EFHC2: variants seen among roughly 807,000 people sequenced by gnomAD.
The protein encoded by EFHC2 is EF-hand domain containing 2.
EFHC2 carries 18 observed loss-of-function variants against 52.7 expected under a neutral mutation model. That is an observed-to-expected ratio of 0.34 (90% CI 0.24 to 0.51). The LOEUF (loss-of-function observed/expected upper bound fraction) is 0.51, where lower values mean the gene tolerates loss of function less well. Ranked by LOEUF, EFHC2 falls within the 20% of genes least tolerant of loss-of-function variation. The pLI, the probability that EFHC2 is intolerant of heterozygous loss-of-function variation, is 0.97. For missense variants in EFHC2, 513 were observed against 562.5 expected (o/e 0.91, Z 0.89); for synonymous variants, 203 against 204.1 (o/e 0.99, Z 0.04).
chrX:44,152,159 G>T (rs1293531151), intron 14 of EFHC2, among the ~76,000 whole-genome samples: 1 of 111,440 alleles, frequency 9.0e-6, no homozygotes, highest in African/African-American at 3.3e-5. Flanking sequence ...AAATTTATTG[G>T]ATATTTACTA....
chrX:44,250,014 C>T (rs182495068), intron 5 of EFHC2, among the ~76,000 whole-genome samples, 180 bp downstream of exon 5: 1 of 112,643 alleles, frequency 8.9e-6, no homozygotes, highest in Non-Finnish European at 1.9e-5. Context: ...TCTAATTGAT[C>T]ATATTCTCTG....
At chrX:44,288,779 A>G (rs1032074822) in intron 2 of EFHC2, among the ~76,000 whole-genome samples, 1 of 111,926 alleles carries the variant, frequency 8.9e-6, no homozygotes, top group Non-Finnish European at 1.9e-5. Flanking sequence ...TTGTTCTCTG[A>G]TGTCTGTTTT....
chrX:44,314,477 A>T (rs977529951), intron 1 of EFHC2, among the ~76,000 whole-genome samples: 1 of 112,205 alleles, frequency 8.9e-6, no homozygotes, highest in Admixed American at 9.4e-5. Flanking sequence ...CCCTGGGCAG[A>T]TAACAGCCCA....
At chrX:44,315,835 A>G (rs2037979624) in intron 1 of EFHC2, among the ~76,000 whole-genome samples, 1 of 111,521 alleles carries the variant, frequency 9.0e-6, no homozygotes, top group Non-Finnish European at 1.9e-5. Flanking sequence ...TGGTAAAAAA[A>G]GAAAGTCAAG....
intron 1 of EFHC2, among the ~76,000 whole-genome samples, chrX:44,320,433 A>G (rs1270070433): frequency 8.9e-6 from 1 of 112,062 alleles, no homozygotes; most frequent in African/African-American, 3.2e-5. Context: ...TAGACTGAAG[A>G]TAATTAGAAG....
At chrX:44,331,077 A>G (rs1003669673) in intron 1 of EFHC2, among the ~76,000 whole-genome samples, 1 of 112,441 alleles carries the variant, frequency 8.9e-6, no homozygotes, top group African/African-American at 3.2e-5. Flanking sequence ...AAAAACCTGT[A>G]CATACATGTT....
chrX:44,196,819 C>G, intron 11 of EFHC2, among the ~76,000 whole-genome samples: 1 of 112,308 alleles, frequency 8.9e-6, no homozygotes, highest in Middle Eastern at 4.6e-3. Context: ...CTAACGCCCC[C>G]AGTAAGCCAT....
In EFHC2 at chrX:44,232,592, G is replaced by C. The variant is rs749348063; in HGVS notation, c.1509C>G (p.Ile503Met). The C allele has an allele frequency of 5.0e-6, 6 of 1,194,364 alleles. No individual in the cohort carries two copies. The highest frequency in any genetic ancestry group is 6.8e-6 in the Non-Finnish European group (6 of 886,228). The change falls in exon 10 of 15, where the codon ATC (isoleucine) becomes ATG (methionine). Residue 503 changes from isoleucine to methionine, a missense_variant. Coordinates refer to ENST00000420999, the MANE Select transcript of EFHC2 (RefSeq NM_025184.4). ...EVFKSELSEY[I>M]KAEELYIGVT... ...CTCCAATGTACAGCTCCTCGGCCTT[G>C]ATATATTCAGATAGTTCACTTTTAA...
chrX:44,324,630 A>G (rs2038041521), intron 1 of EFHC2, among the ~76,000 whole-genome samples: 1 of 111,924 alleles, frequency 8.9e-6, no homozygotes, highest in South Asian at 3.7e-4. Flanking sequence ...TATAATAGTA[A>G]CAATAACTAA....
chrX:44,155,603 TA>T (rs1442209274), intron 14 of EFHC2, among the ~76,000 whole-genome samples: 1 of 112,276 alleles, frequency 8.9e-6, no homozygotes, highest in African/African-American at 3.2e-5. Context: ...GCAAGGCAGA[TA>T]GAGTCATGTT....
intron 2 of EFHC2, among the ~76,000 whole-genome samples, chrX:44,292,367 TAAG>T (rs1290513028): frequency 2.7e-5 from 3 of 111,259 alleles, no homozygotes; most frequent in Non-Finnish European, 3.8e-5. Flanking sequence ...CAAGTCTAAA[TAAG>T]AAATTCATTT....
intron 3 of EFHC2, among the ~76,000 whole-genome samples, chrX:44,261,775 AAAG>A (rs1484033161): frequency 3.7e-5 from 4 of 109,216 alleles, no homozygotes; most frequent in East Asian, 5.7e-4. Flanking sequence ...AAAAAAAAAA[AAAG>A]CTAGTAAGCT....
chrX:44,261,178 T>C lies in EFHC2; in HGVS notation c.503A>G (p.Tyr168Cys). ...GTTTCTTGTGAATGCATCACAGTCA[T>C]AAATCTTGAATGTCCGGCCATAGAA... ...VVFYGRTFKI[Y>C]DCDAFTRNFL... Residue 168 changes from tyrosine to cysteine, a missense_variant, in exon 4 of 15, where the codon TAT (tyrosine) becomes TGT (cysteine). By Grantham distance (194) the Tyr-to-Cys change is radical. Transcript: ENST00000420999. 8.3e-7 allele frequency: 1 copy of C among 1,211,435 alleles called. No individual in the cohort carries two copies. Among genetic ancestry groups the C allele is most frequent in the Admixed American group, 2.2e-5 (1 of 46,024 alleles).
At chrX:44,315,908 C>T (rs994409296) in intron 1 of EFHC2, among the ~76,000 whole-genome samples, 4 of 111,469 alleles carry the variant, frequency 3.6e-5, no homozygotes, top group Non-Finnish European at 7.5e-5. Flanking sequence ...TCATGAAAAG[C>T]CTCTCATGTA....
chrX:44,241,185 C>T (rs1253718618), intron 8 of EFHC2, among the ~76,000 whole-genome samples: 1 of 111,490 alleles, frequency 9.0e-6, no homozygotes, highest in African/African-American at 3.3e-5. Flanking sequence ...ACCCTTAGCC[C>T]ACATCCTATT....
chrX:44,252,125 A>G (rs1474826950), intron 4 of EFHC2, among the ~76,000 whole-genome samples: 1 of 111,603 alleles, frequency 9.0e-6, no homozygotes, highest in African/African-American at 3.3e-5. Flanking sequence ...CAAATGGAGA[A>G]GGTCTTAAGG....
intron 5 of EFHC2, among the ~76,000 whole-genome samples, chrX:44,249,452 T>C (rs1166423206): frequency 9.1e-6 from 1 of 110,414 alleles, no homozygotes; most frequent in East Asian, 2.8e-4. Flanking sequence ...TTTGGTTTTT[T>C]TTTTTTACTA....
At chrX:44,266,816 T>C (rs2037581705) in intron 3 of EFHC2, among the ~76,000 whole-genome samples, 1 of 111,087 alleles carries the variant, frequency 9.0e-6, no homozygotes, top group South Asian at 3.8e-4. Context: ...CCAATAAGAG[T>C]GAATGGCATA....
At chrX:44,186,469 C>T (rs1199578459) in intron 11 of EFHC2, among the ~76,000 whole-genome samples, 7 of 111,831 alleles carry the variant, frequency 6.3e-5, no homozygotes, top group Admixed American at 2.9e-4. Flanking sequence ...CAGAGTTCTT[C>T]GTTTTCTACC....
Sources: gnomAD v4.1 joint callset for allele counts (sites outside exome capture counted in the v4.1 genomes callset) on GRCh38, gnomAD v4.1.1 for gene constraint, MANE v1.5 for transcripts, NCBI Gene and HGNC (gene_info 2026-07-23, HGNC 2026-07-21) for gene names.